RAB3GAP1: variants seen among roughly 807,000 people sequenced by gnomAD.
The protein encoded by RAB3GAP1 is RAB3 GTPase activating protein catalytic subunit 1, also known as rab3 GTPase-activating protein catalytic subunit.
In RAB3GAP1, 86 loss-of-function variants were observed where a neutral mutation model predicts 130.7. The observed-to-expected ratio is 0.66, with a 90% CI of 0.55 to 0.79. RAB3GAP1 has a LOEUF of 0.79. RAB3GAP1 is among the 30% of genes least tolerant of loss of function. The pLI is 0.00. For synonymous variants in RAB3GAP1, 367 were observed against 401.7 expected (o/e 0.91, Z 1.03); for missense variants, 1,029 against 1,169.4 (o/e 0.88, Z 1.75).
chr2:135,158,564 C>T (rs1251320900), intron 19 of RAB3GAP1, among the ~76,000 whole-genome samples: 4 of 152,088 alleles, frequency 2.6e-5, no homozygotes, highest in Non-Finnish European at 5.9e-5. Context: ...AAGTCATTTC[C>T]TACAGAGCAA....
chr2:135,076,188 G>A (rs866632636), intron 3 of RAB3GAP1, among the ~76,000 whole-genome samples: 3 of 152,094 alleles, frequency 2.0e-5, no homozygotes, highest in East Asian at 1.9e-4. Context: ...GATTACAGGC[G>A]TGAGCCACCG....
Position 135,163,104 on chromosome 2 carries a change from A to G in RAB3GAP1, c.2606+3A>G, listed in dbSNP as rs1692516072. The G allele has an allele frequency of 1.2e-6, 2 of 1,605,118 alleles. No individual in the cohort carries two copies. The highest frequency in any genetic ancestry group is 8.5e-7 in the Non-Finnish European group (1 of 1,171,754). The stretch of plus-strand genomic sequence containing the variant: ...GAGGAAAAGGAAGATCTTGAAAGGT[A>G]ATTGCTATTTGGCTAATTCAGTTTT... On this transcript the variant is annotated splice_donor_region_variant and intron_variant, in intron 22 of 23. Coordinates refer to ENST00000264158, the MANE Select transcript of RAB3GAP1 (RefSeq NM_012233.3).
At chr2:135,139,559 A>T (rs2104958520) in intron 17 of RAB3GAP1, among the ~76,000 whole-genome samples, 1 of 152,104 alleles carries the variant, frequency 6.6e-6, no homozygotes, top group South Asian at 2.1e-4. Flanking sequence ...AAAAAAAAAA[A>T]AATAAAAAGT....
At chr2:135,156,275 TC>T (rs1460699328) in intron 19 of RAB3GAP1, among the ~76,000 whole-genome samples, 1 of 152,194 alleles carries the variant, frequency 6.6e-6, no homozygotes, top group Non-Finnish European at 1.5e-5. Flanking sequence ...ACCATATAGT[TC>T]CAATGCTACA....
At chr2:135,096,304 AAGGT>A (rs2104883740) in intron 5 of RAB3GAP1, among the ~76,000 whole-genome samples, 1 of 152,302 alleles carries the variant, frequency 6.6e-6, no homozygotes, top group Admixed American at 6.5e-5. Flanking sequence ...AAAGAATTCT[AAGGT>A]AGGGGAAAAT....
chr2:135,072,370 G>A (rs116313304), intron 3 of RAB3GAP1, among the ~76,000 whole-genome samples: 46 of 152,306 alleles, frequency 3.0e-4, no homozygotes, highest in Non-Finnish European at 5.3e-4. Context: ...AGGTGAAACT[G>A]TAGAATTCTA....
At chr2:135,077,430 G>T (rs1689662761) in intron 3 of RAB3GAP1, among the ~76,000 whole-genome samples, 1 of 152,140 alleles carries the variant, frequency 6.6e-6, no homozygotes, top group Non-Finnish European at 1.5e-5. Flanking sequence ...GGTGGCTCAT[G>T]CCTGTAATCC....
chr2:135,106,628 G>T (rs911347079), intron 5 of RAB3GAP1, among the ~76,000 whole-genome samples: 1 of 151,660 alleles, frequency 6.6e-6, no homozygotes, highest in Non-Finnish European at 1.5e-5. Context: ...AAGGCCGCAG[G>T]GTCCTCTGCC....
At chr2:135,110,532 G>A (rs985751466) in intron 5 of RAB3GAP1, among the ~76,000 whole-genome samples, 1 of 152,192 alleles carries the variant, frequency 6.6e-6, no homozygotes, top group African/African-American at 2.4e-5. Flanking sequence ...AGGAAAGAAA[G>A]GCTTAGGGGA....
At chr2:135,073,242 AT>A (rs1689528602) in intron 3 of RAB3GAP1, among the ~76,000 whole-genome samples, 1 of 152,178 alleles carries the variant, frequency 6.6e-6, no homozygotes, top group Non-Finnish European at 1.5e-5. Context: ...GAGGGAGTGC[AT>A]TTGCCCCCAT....
intron 10 of RAB3GAP1, 145 bp from the exon 11 acceptor site, chr2:135,126,438 C>G (rs1221158100): frequency 2.2e-6 from 2 of 909,028 alleles, no homozygotes; most frequent in East Asian, 5.0e-5. Flanking sequence ...CCAAATGGCT[C>G]CATGTATCTG....
At chr2:135,143,051 C>T (rs540967121) in intron 17 of RAB3GAP1, among the ~76,000 whole-genome samples, 63 of 151,996 alleles carry the variant, frequency 4.1e-4, no homozygotes, top group East Asian at 3.9e-3. Flanking sequence ...CCAGTGAAAC[C>T]ACTCAGAATC....
intron 5 of RAB3GAP1, among the ~76,000 whole-genome samples, chr2:135,106,756 T>TAAAAAAAAA (rs201827793): frequency 3.0e-5 from 2 of 65,680 alleles, no homozygotes; most frequent in African/African-American, 5.8e-5. Flanking sequence ...CAATAAATAC[T>TAAAAAAAAA]AAAAAAAAAA....
chr2:135,102,845 C>A (rs1431832606), intron 5 of RAB3GAP1, among the ~76,000 whole-genome samples: 1 of 151,644 alleles, frequency 6.6e-6, no homozygotes, highest in East Asian at 2.0e-4. Flanking sequence ...GAAACCTCGT[C>A]TCTACTAAAA....
chr2:135,122,890 G>A (rs1353910317), intron 8 of RAB3GAP1, among the ~76,000 whole-genome samples: 1 of 151,954 alleles, frequency 6.6e-6, no homozygotes, highest in African/African-American at 2.4e-5. Context: ...ACCACGCCTG[G>A]CTAATTTTTG....
intron 10 of RAB3GAP1, 56 bp from the exon 11 acceptor site, chr2:135,126,527 A>G: frequency 6.9e-7 from 1 of 1,456,088 alleles, no homozygotes; most frequent in Non-Finnish European, 9.6e-7. Flanking sequence ...TAATAAGTTC[A>G]TGAATCTTGC....
chr2:135,144,105 C>G (rs1258453957), intron 17 of RAB3GAP1, among the ~76,000 whole-genome samples: 1 of 152,190 alleles, frequency 6.6e-6, no homozygotes, highest in Non-Finnish European at 1.5e-5. Flanking sequence ...CAGCTTAGCT[C>G]TCAGCTGGGC....
intron 3 of RAB3GAP1, among the ~76,000 whole-genome samples, chr2:135,080,104 G>A (rs1030017953): frequency 7.3e-5 from 9 of 123,630 alleles, no homozygotes; most frequent in Admixed American, 3.9e-4. Context: ...GCGACAGAAC[G>A]AGACTCCGTC....
chr2:135,173,772 G>A (rs1255292865), downstream of RAB3GAP1, among the ~76,000 whole-genome samples: 1 of 152,140 alleles, frequency 6.6e-6, no homozygotes, highest in African/African-American at 2.4e-5. Flanking sequence ...AGTCCAACAG[G>A]TGGCCCGTCT....
Sources: allele counts gnomAD v4.1 joint callset (sites outside exome capture counted in the v4.1 genomes callset), GRCh38; gene constraint gnomAD v4.1.1; transcripts MANE v1.5; gene names NCBI Gene and HGNC (gene_info 2026-07-23, HGNC 2026-07-21).